The following DCDC2 variants were observed in gnomAD, a reference collection of about 807,000 sequenced individuals.
DCDC2 encodes doublecortin domain-containing protein 2.
A neutral mutation model predicts 50.2 loss-of-function variants in DCDC2; 40 were observed. That is an observed-to-expected ratio of 0.80 (90% CI 0.62 to 1.04). The LOEUF is 1.04. Ranked by LOEUF, DCDC2 falls within the 50% of genes least tolerant of loss-of-function variation. The pLI is 0.00. For missense variants in DCDC2, 570 were observed against 581.9 expected (o/e 0.98, Z 0.21); for synonymous variants, 234 against 210.6 (o/e 1.11, Z -0.96).
intron 7 of DCDC2, among the ~76,000 whole-genome samples, chr6:24,244,123 G>C (rs1473799043): frequency 6.6e-6 from 1 of 152,156 alleles, no homozygotes; most frequent in Non-Finnish European, 1.5e-5. Context: ...GAAGCAAACA[G>C]TTGCCATGAA....
chr6:24,279,513 TG>T (rs773427922), intron 6 of DCDC2, among the ~76,000 whole-genome samples: 28 of 152,168 alleles, frequency 1.8e-4, no homozygotes, highest in Non-Finnish European at 3.2e-4. Context: ...CCCATGAGTT[TG>T]AGATTGCAGT....
chr6:24,368,041 C>A, the DCDC2 span, among the ~76,000 whole-genome samples: 1 of 151,624 alleles, frequency 6.6e-6, no homozygotes, highest in Admixed American at 6.6e-5. Context: ...CTTTAAATAG[C>A]AGATTAGTCA....
At chr6:24,230,932 G>C (rs1021715688) in intron 7 of DCDC2, among the ~76,000 whole-genome samples, 2 of 152,172 alleles carry the variant, frequency 1.3e-5, no homozygotes, top group African/African-American at 4.8e-5. Context: ...AATCACCAAA[G>C]AGTCTGCATA....
In DCDC2 at chr6:24,288,889, A is replaced by G; in HGVS notation, c.722T>C (p.Leu241Pro). The change falls in exon 6 of 10, where the codon CTA becomes CCA. Residue 241 changes from leucine to proline, a missense_variant. Coordinates refer to ENST00000378454, the MANE Select transcript of DCDC2 (RefSeq NM_016356.5). Reference sequence around the variant, plus strand: ...CTTTCTGGATCCTACAATAGGAGGTAGTGAAGAAGCTTTCTGACTGTGGAA... The same window carrying G: ...CTTTCTGGATCCTACAATAGGAGGTGGTGAAGAAGCTTTCTGACTGTGGAA... ...RRPFGQKASS[L>P]PPIVGSRKSK... The G allele has an allele frequency of 6.2e-7, 1 of 1,601,732 alleles. No homozygotes were observed. The highest frequency in any genetic ancestry group is 8.5e-7 in the Non-Finnish European group (1 of 1,176,708).
intron 4 of DCDC2, among the ~76,000 whole-genome samples, chr6:24,296,112 T>C (rs2113834271): frequency 1.3e-5 from 2 of 152,288 alleles, no homozygotes; most frequent in Admixed American, 1.3e-4. Context: ...AGCATGGTAT[T>C]GGGACAAAAA....
At chr6:24,280,830 T>G (rs1763453917) in intron 6 of DCDC2, among the ~76,000 whole-genome samples, 1 of 152,090 alleles carries the variant, frequency 6.6e-6, no homozygotes, top group Non-Finnish European at 1.5e-5. Flanking sequence ...TGTGAGCCAC[T>G]GCACATGGTC....
intron 2 of DCDC2, among the ~76,000 whole-genome samples, chr6:24,350,530 T>C (rs1367614397): frequency 6.6e-6 from 1 of 152,182 alleles, no homozygotes; most frequent in Non-Finnish European, 1.5e-5. Context: ...GCTTTTATTA[T>C]GCAGGCCCAT....
At chr6:24,205,464 C>T (rs1581585404) in intron 7 of DCDC2, among the ~76,000 whole-genome samples, 1 of 152,192 alleles carries the variant, frequency 6.6e-6, no homozygotes, top group Non-Finnish European at 1.5e-5. Flanking sequence ...AGTGAAAATG[C>T]TTGCTGCTTT....
At chr6:24,345,759 TG>T (rs1481609807) in intron 2 of DCDC2, among the ~76,000 whole-genome samples, 5 of 152,184 alleles carry the variant, frequency 3.3e-5, no homozygotes, top group Admixed American at 3.3e-4. Flanking sequence ...ATTTCTCTTG[TG>T]ACTGGTTATT....
At chr6:24,284,601 A>G (rs2113824901) in intron 6 of DCDC2, among the ~76,000 whole-genome samples, 1 of 144,780 alleles carries the variant, frequency 6.9e-6, no homozygotes, top group South Asian at 2.2e-4. Context: ...ACAGAGTGAG[A>G]CTCTGTCTCA....
chr6:24,268,008 GAAC>G (rs1347897060), intron 7 of DCDC2, among the ~76,000 whole-genome samples: 1 of 152,162 alleles, frequency 6.6e-6, no homozygotes, highest in Admixed American at 6.5e-5. Flanking sequence ...GTGCTCTAAA[GAAC>G]AATAATCCCA....
intron 7 of DCDC2, among the ~76,000 whole-genome samples, chr6:24,275,866 A>ATTTTTTTTTTTTTTTTTTTTTTTTT (rs10685261): frequency 9.2e-6 from 1 of 108,120 alleles, no homozygotes; most frequent in Non-Finnish European, 1.8e-5. Flanking sequence ...CAATAATTCA[A>ATTTTTTTTTTTTTTTTTTTTTTTTT]TTTTTTTTTT....
intron 7 of DCDC2, among the ~76,000 whole-genome samples, chr6:24,265,753 G>GA: frequency 6.6e-6 from 1 of 151,624 alleles, no homozygotes; most frequent in South Asian, 2.1e-4. Context: ...GGGATATAGC[G>GA]AAGGCAGTAC....
the DCDC2 span, among the ~76,000 whole-genome samples, chr6:24,377,921 G>A: frequency 3.3e-5 from 5 of 152,084 alleles, no homozygotes; most frequent in Non-Finnish European, 7.4e-5. Context: ...CCCGGGAGGC[G>A]GAGGTTGCAG....
chr6:24,346,763 A>C (rs1269415582), intron 2 of DCDC2, among the ~76,000 whole-genome samples: 1 of 151,998 alleles, frequency 6.6e-6, no homozygotes, highest in Admixed American at 6.5e-5. Flanking sequence ...CAAAAAAAAA[A>C]AAAAAGATTC....
Position 24,172,884 on chromosome 6 carries a change from A to G in DCDC2, c.*1846T>C, listed in dbSNP as rs1760813920. Reference sequence around the variant, plus strand: ...GTGGCAGATGCCTGTAATCCCAGCTACTCGGGAGGCTCAGGTGCTTGAACC... The same window carrying G: ...GTGGCAGATGCCTGTAATCCCAGCTGCTCGGGAGGCTCAGGTGCTTGAACC... On this transcript the variant is annotated 3_prime_UTR_variant, in exon 10 of 10. Coordinates refer to ENST00000378454, the MANE Select transcript of DCDC2 (RefSeq NM_016356.5). 6.6e-6 allele frequency: 1 copy of G among 151,924 alleles called. No homozygotes were observed. Among genetic ancestry groups the G allele is most frequent in the African/African-American group, 2.4e-5 (1 of 41,370 alleles). 9.4% of individuals were successfully genotyped at this position (151,924 alleles called of 1,614,324 possible).
chr6:24,269,028 G>T (rs1431169376), intron 7 of DCDC2, among the ~76,000 whole-genome samples: 1 of 152,150 alleles, frequency 6.6e-6, no homozygotes, highest in African/African-American at 2.4e-5. Flanking sequence ...TATCTCCACT[G>T]TGATAGCACA....
chr6:24,211,939 C>A (rs573335792), intron 7 of DCDC2, among the ~76,000 whole-genome samples: 2 of 152,194 alleles, frequency 1.3e-5, no homozygotes, highest in South Asian at 4.1e-4. Context: ...AGGAGGGGTC[C>A]CCAACTCCCA....
At chr6:24,302,855 C>A (rs1220570489) in intron 2 of DCDC2, among the ~76,000 whole-genome samples, 1 of 151,956 alleles carries the variant, frequency 6.6e-6, no homozygotes, top group Non-Finnish European at 1.5e-5. Context: ...TCACCTCACC[C>A]CTCACCTAAC....
Sources: gnomAD v4.1 joint callset for allele counts (sites outside exome capture counted in the v4.1 genomes callset) on GRCh38, gnomAD v4.1.1 for gene constraint, MANE v1.5 for transcripts, NCBI Gene and HGNC (gene_info 2026-07-23, HGNC 2026-07-21) for gene names.